FGD4: variants seen among roughly 807,000 people sequenced by gnomAD.
FGD4 encodes FYVE, RhoGEF and PH domain-containing protein 4.
FGD4 carries 42 observed loss-of-function variants against 102.0 expected under a neutral mutation model. The observed-to-expected ratio is 0.41, with a 90% CI of 0.32 to 0.53. The LOEUF is 0.53. Among genes scored for constraint, FGD4 ranks in the 20% least tolerant of loss-of-function variants. The pLI, the probability that FGD4 is intolerant of heterozygous loss-of-function variation, is 0.21. For synonymous variants in FGD4, 380 were observed against 375.7 expected (o/e 1.01, Z -0.13); for missense variants, 902 against 1,078.2 (o/e 0.84, Z 2.29).
chr12:32,548,723 C>G (rs1481951622), intron 1 of FGD4, among the ~76,000 whole-genome samples: 1 of 152,200 alleles, frequency 6.6e-6, no homozygotes, highest in African/African-American at 2.4e-5. Flanking sequence ...CTGAGGGCTA[C>G]TCCATTTGTA....
chr12:32,436,030 T>A (rs1426992681), intron 1 of FGD4, among the ~76,000 whole-genome samples: 1 of 152,208 alleles, frequency 6.6e-6, no homozygotes, highest in Non-Finnish European at 1.5e-5. Flanking sequence ...GAAGGACATA[T>A]CTGCTGTCGG....
chr12:32,575,470 C>G (rs1408430317), intron 2 of FGD4, among the ~76,000 whole-genome samples: 3 of 152,162 alleles, frequency 2.0e-5, no homozygotes, highest in Non-Finnish European at 4.4e-5. Flanking sequence ...AACCTATTCA[C>G]TATGGCAAGA....
At chr12:32,627,534 A>T (rs998164211) in intron 14 of FGD4, among the ~76,000 whole-genome samples, 8 of 152,142 alleles carry the variant, frequency 5.3e-5, no homozygotes, top group African/African-American at 1.7e-4. Context: ...GGAGGAGGAG[A>T]TGGGGAGATT....
chr12:32,412,925 A>G (rs1297173009), intron 1 of FGD4, among the ~76,000 whole-genome samples: 1 of 32,342 alleles, frequency 3.1e-5, no homozygotes, highest in Non-Finnish European at 5.3e-5. Context: ...TTTTTTTTTT[A>G]ATTAGCCAGC....
chr12:32,553,952 C>T (rs146375533), intron 1 of FGD4, among the ~76,000 whole-genome samples: 67 of 152,194 alleles, frequency 4.4e-4, no homozygotes, highest in Non-Finnish European at 8.2e-4. Flanking sequence ...ATCAGCTGAA[C>T]GTGGTGGTGC....
intron 8 of FGD4, among the ~76,000 whole-genome samples, chr12:32,608,980 G>A (rs192663843): frequency 1.2e-3 from 183 of 152,176 alleles, no homozygotes; most frequent in African/African-American, 4.0e-3. Context: ...GCAGTGGCGC[G>A]ATCTTAGCTC....
intron 1 of FGD4, among the ~76,000 whole-genome samples, chr12:32,488,726 G>C (rs1038032713): frequency 1.3e-5 from 2 of 152,272 alleles, no homozygotes; most frequent in Admixed American, 1.3e-4. Context: ...GGATCATGAG[G>C]TCAGGAGTTC....
At chr12:32,563,404 G>A (rs1272062755) in intron 1 of FGD4, among the ~76,000 whole-genome samples, 2 of 151,770 alleles carry the variant, frequency 1.3e-5, no homozygotes, top group Non-Finnish European at 1.5e-5. Flanking sequence ...CAGACGATGG[G>A]CGGCCGGGCA....
chr12:32,577,717 A>G (rs911093981), intron 3 of FGD4, among the ~76,000 whole-genome samples: 1 of 152,176 alleles, frequency 6.6e-6, no homozygotes, highest in African/African-American at 2.4e-5. Flanking sequence ...AATTACAGTG[A>G]TATTTACTTA....
intron 10 of FGD4, 28 bp from the exon 11 acceptor site, chr12:32,619,670 T>C (rs1949681981): frequency 6.2e-7 from 1 of 1,613,510 alleles, no homozygotes; most frequent in South Asian, 1.1e-5. Context: ...TTCTTTTCTT[T>C]ACTGATATAT....
chr12:32,471,010 T>C (rs1411593346), intron 1 of FGD4, among the ~76,000 whole-genome samples: 1 of 152,196 alleles, frequency 6.6e-6, no homozygotes, highest in Non-Finnish European at 1.5e-5. Flanking sequence ...ATTAATGGCT[T>C]AGACCCTGTG....
intron 7 of FGD4, 141 bp downstream of exon 7, chr12:32,602,458 C>G: frequency 1.1e-6 from 1 of 906,118 alleles, no homozygotes; most frequent in Non-Finnish European, 1.7e-6. Context: ...TGCAGATCAT[C>G]TCTGCAATGC....
chr12:32,470,678 T>A (rs1309654215), intron 1 of FGD4, among the ~76,000 whole-genome samples: 1 of 152,110 alleles, frequency 6.6e-6, no homozygotes, highest in East Asian at 1.9e-4. Flanking sequence ...GGTCTCGAAC[T>A]CCTGACCTCA....
intron 10 of FGD4, among the ~76,000 whole-genome samples, chr12:32,611,765 C>G (rs1949152030): frequency 6.6e-6 from 1 of 152,176 alleles, no homozygotes; most frequent in South Asian, 2.1e-4. Flanking sequence ...TTTCTGTATA[C>G]TTGGTATGGA....
chr12:32,500,634 G>A (rs913474939), intron 1 of FGD4, among the ~76,000 whole-genome samples: 12 of 151,690 alleles, frequency 7.9e-5, no homozygotes, highest in Non-Finnish European at 1.6e-4. Context: ...GGATTTCACC[G>A]TGTTAGCCAG....
In FGD4 at chr12:32,511,469, T is replaced by C. The variant is rs559212794; in HGVS notation, c.167-52668T>C. Among the ~76,000 whole-genome samples the C allele has an allele frequency of 1.5e-4, 23 of 152,058 alleles. No individual in the cohort carries two copies. In the East Asian group the frequency reaches 4.5e-3, roughly 29 times the overall value. ...TGCCCACCACCACGCCCAGCTAATT[T>C]TTTATATTTTTTTTAGTAGAGACGG... On this transcript the variant is annotated intron_variant, in intron 1 of 16. Coordinates refer to ENST00000534526, the MANE Select transcript of FGD4 (RefSeq NM_001370298.3).
At chr12:32,607,001 T>C (rs1271609559) in intron 7 of FGD4, among the ~76,000 whole-genome samples, 2 of 152,254 alleles carry the variant, frequency 1.3e-5, no homozygotes, top group African/African-American at 4.8e-5. Flanking sequence ...ACATTTATCA[T>C]AGCCTTATTA....
At chr12:32,521,886 G>C (rs1300761866) in intron 1 of FGD4, among the ~76,000 whole-genome samples, 2 of 151,990 alleles carry the variant, frequency 1.3e-5, no homozygotes, top group Admixed American at 6.6e-5. Context: ...TGTCTTAAAG[G>C]CTATATAGGT....
At chr12:32,420,261 A>G (rs1941582675) in intron 1 of FGD4, among the ~76,000 whole-genome samples, 1 of 151,972 alleles carries the variant, frequency 6.6e-6, no homozygotes, top group Non-Finnish European at 1.5e-5. Flanking sequence ...GCTTTTGTGT[A>G]TCTCTAATCT....
Sources: gnomAD v4.1 joint callset for allele counts (sites outside exome capture counted in the v4.1 genomes callset) on GRCh38, gnomAD v4.1.1 for gene constraint, MANE v1.5 for transcripts, NCBI Gene and HGNC (gene_info 2026-07-23, HGNC 2026-07-21) for gene names.